LAMA1: variants seen among roughly 807,000 people sequenced by gnomAD.
LAMA1 encodes the protein laminin subunit alpha 1, also known as laminin subunit alpha-1.
A neutral mutation model predicts 348.7 loss-of-function variants in LAMA1; 219 were observed. That is an observed-to-expected ratio of 0.63 (90% CI 0.56 to 0.70). The LOEUF (loss-of-function observed/expected upper bound fraction) is 0.70, where lower values mean the gene tolerates loss of function less well. LAMA1 is among the 30% of genes least tolerant of loss of function. The pLI, the probability that LAMA1 is intolerant of heterozygous loss-of-function variation, is 0.00. For missense variants in LAMA1, 3,744 were observed against 3,888.0 expected (o/e 0.96, Z 0.99); for synonymous variants, 1,487 against 1,491.0 (o/e 1.00, Z 0.06).
intron 16 of LAMA1, among the ~76,000 whole-genome samples, 192 bp from the exon 17 acceptor site, chr18:7,026,298 A>G (rs2057942898): frequency 6.6e-6 from 1 of 152,234 alleles, no homozygotes; most frequent in African/African-American, 2.4e-5. Flanking sequence ...ATAAATGAGA[A>G]ATCTGAGAGC....
intron 9 of LAMA1, among the ~76,000 whole-genome samples, chr18:7,041,221 G>A (rs1326837826): frequency 6.6e-6 from 1 of 151,922 alleles, no homozygotes; most frequent in Non-Finnish European, 1.5e-5. Flanking sequence ...TTTAATGTCA[G>A]TTTTGAAACC....
chr18:6,986,184 T>A lies in LAMA1; in HGVS notation c.5332A>T (p.Ser1778Cys), dbSNP rs755902599. The A allele has an allele frequency of 6.2e-7, 1 of 1,614,220 alleles. No homozygotes were observed. Among genetic ancestry groups the A allele is most frequent in the South Asian group, 1.1e-5 (1 of 91,074 alleles). ...TTGACCATGAGCAGCAGGTGGTTGC[T>A]TTCCTGCATCTTTGCCTCAGCTTCC... ...VREAEAKMQESNHLLLMVNAN... is the reference protein window; with the variant it reads ...VREAEAKMQECNHLLLMVNAN... Residue 1778 changes from serine to cysteine, a missense_variant, in exon 37 of 63, where the codon AGC (serine) becomes TGC (cysteine). By Grantham distance (112) the Ser-to-Cys change is moderately radical. Around this residue, in one of 3 missense-constraint regions of LAMA1, gnomAD observed 1,983 missense variants for 1,934.3 expected, o/e 1.03. Coordinates refer to ENST00000389658, the MANE Select transcript of LAMA1 (RefSeq NM_005559.4).
rs771064205 is a variant in LAMA1, at chr18:7,080,081, T to A, written c.239A>T (p.His80Leu). 1.9e-6 allele frequency: 3 copies of A among 1,612,500 alleles called. No homozygotes were observed. Among genetic ancestry groups the A allele is most frequent in the Non-Finnish European group, 1.7e-6 (2 of 1,178,500 alleles). The change falls in exon 3 of 63, where the codon CAT (histidine) becomes CTT (leucine). Residue 80 changes from histidine (H) to leucine (L), a missense_variant. By Grantham distance (99) the His-to-Leu change is moderately conservative. Transcript: ENST00000389658. ...DGNSANPRERHPISHAIDGTN... is the reference protein window; with the variant it reads ...DGNSANPRERLPISHAIDGTN... ...GCCATCTATGGCATGTGATATTGGA[T>A]GGCGTTCTGTTGAAAGAAAATAAAA...
At chr18:6,972,295 C>T in intron 47 of LAMA1, 1 of 372,862 alleles carries the variant, frequency 2.7e-6, no homozygotes, top group South Asian at 2.2e-5. Flanking sequence ...CCCAGCTGGA[C>T]CTGAGACCTA....
intron 16 of LAMA1, among the ~76,000 whole-genome samples, chr18:7,030,674 T>C (rs2057964739): frequency 6.6e-6 from 1 of 152,314 alleles, no homozygotes; most frequent in Admixed American, 6.5e-5. Flanking sequence ...AAAATTATTA[T>C]TTATTAAAAT....
intron 1 of LAMA1, among the ~76,000 whole-genome samples, chr18:7,106,548 C>T (rs564884639): frequency 4.6e-5 from 7 of 151,930 alleles, no homozygotes; most frequent in Middle Eastern, 3.2e-3. Flanking sequence ...TTAGTAGATT[C>T]GGGGTTTCAC....
intron 3 of LAMA1, among the ~76,000 whole-genome samples, chr18:7,068,236 G>A (rs2058131250): frequency 6.6e-6 from 1 of 152,218 alleles, no homozygotes; most frequent in African/African-American, 2.4e-5. Context: ...ACACCACTCA[G>A]CAGAAGCCTA....
At position 6,997,813 on chromosome 18, in the gene LAMA1, T is replaced by C. The variant is rs542801679; in HGVS notation, c.4735A>G (p.Asn1579Asp). The change falls in exon 33 of 63, where the codon AAC becomes GAC. Residue 1579 changes from asparagine to aspartate, a missense_variant. Transcript: ENST00000389658. Reference protein sequence around the residue: ...DEIGDAVLSLNLTGIIPVPYG... With the variant: ...DEIGDAVLSLDLTGIIPVPYG... ...GGGACAGGGATAATGCCAGTGAGGT[T>C]CAGAGAAAGAACGGCATCACCAATC... 654 of 1,614,092 alleles carry C rather than the reference T, an allele frequency of 4.1e-4. 12 individuals carry two copies. The South Asian group carries it at 6.9e-3, about 17-fold the overall frequency.
intron 23 of LAMA1, among the ~76,000 whole-genome samples, chr18:7,012,757 A>G (rs548747808): frequency 8.0e-5 from 12 of 149,932 alleles, no homozygotes; most frequent in African/African-American, 2.9e-4. Context: ...CACCCACCTC[A>G]GCCTTCCAAA....
chr18:7,116,092 G>C (rs1312821685), intron 1 of LAMA1, among the ~76,000 whole-genome samples: 3 of 152,200 alleles, frequency 2.0e-5, no homozygotes, highest in African/African-American at 7.2e-5. Context: ...CCTGCCCTGG[G>C]AGGTTTTCCG....
At chr18:7,117,115 G>A (rs1040182506) in intron 1 of LAMA1, among the ~76,000 whole-genome samples, 1 of 152,170 alleles carries the variant, frequency 6.6e-6, no homozygotes, top group Non-Finnish European at 1.5e-5. Context: ...TTCTCGCCGC[G>A]TCTCTCCCCA....
At position 6,976,515 on chromosome 18, in the gene LAMA1, G is replaced by A. The variant is rs776014674; in HGVS notation, c.6346-435C>T. ...TACATATTTCTTTGACTAGTAATTC[G>A]TTGCATATGTATCTTACATTAAAGA... On this transcript the variant is annotated intron_variant, in intron 44 of 62. Transcript: ENST00000389658. 1.2e-3 allele frequency among the ~76,000 whole-genome samples: 182 copies of A among 152,150 alleles called. 2 individuals carry two copies. Among genetic ancestry groups the A allele is most frequent in the Non-Finnish European group, 2.0e-3 (133 of 67,992 alleles).
intron 57 of LAMA1, among the ~76,000 whole-genome samples, chr18:6,951,925 G>C (rs1480980458): frequency 3.3e-5 from 5 of 152,192 alleles, no homozygotes; most frequent in Admixed American, 2.0e-4. Context: ...GCAGGACTGA[G>C]GGAAGCCTGC....
intron 62 of LAMA1, 84 bp from the exon 63 acceptor site, chr18:6,942,323 A>C: frequency 7.5e-4 from 1,064 of 1,420,022 alleles, no homozygotes; most frequent in Non-Finnish European, 9.4e-4. Context: ...AAATAATCTC[A>C]AGCGGGTTTT....
rs1263297034 is a variant in LAMA1 at position 7,010,399 on chromosome 18, A to C, written c.3688-14T>G. 3 of 1,612,416 alleles carry C rather than the reference A, an allele frequency of 1.9e-6. No homozygotes were observed. The highest frequency in any genetic ancestry group is 2.5e-6 in the Non-Finnish European group (3 of 1,179,170). ...ATAGGCCATGAGCTATCAAATAATA[A>C]AGTGTTGTTTACTTCTCTGACAAAG... On this transcript the variant is annotated splice_polypyrimidine_tract_variant and intron_variant, in intron 25 of 62. Coordinates refer to ENST00000389658, the MANE Select transcript of LAMA1 (RefSeq NM_005559.4).
At chr18:6,968,987 A>G (rs2057646288) in intron 48 of LAMA1, among the ~76,000 whole-genome samples, 1 of 152,228 alleles carries the variant, frequency 6.6e-6, no homozygotes. Flanking sequence ...TCTTTGAACT[A>G]AAGTTCTTGT....
intron 36 of LAMA1, among the ~76,000 whole-genome samples, chr18:6,987,040 T>C (rs2057738543): frequency 1.3e-5 from 2 of 152,182 alleles, no homozygotes; most frequent in Admixed American, 1.3e-4. Flanking sequence ...ATTACAGGCG[T>C]AAGCCACTGC....
chr18:7,073,266 G>C (rs60571401), intron 3 of LAMA1, among the ~76,000 whole-genome samples: 2 of 151,982 alleles, frequency 1.3e-5, no homozygotes, highest in African/African-American at 4.8e-5. Flanking sequence ...AAAAATATAC[G>C]TAACATAAAA....
Position 6,950,940 on chromosome 18 carries a change from C to A in LAMA1, c.8239G>T (p.Ala2747Ser), listed in dbSNP as rs769646665. ...ATGTAGTAAATCAGGCCGCTGGAGG[C>A]GAACGTGCGGATGCTTAGCTCAACC... ...LSVELSIRTF[A>S]SSGLIYYMAH... is the part of the protein sequence containing the mutation. The change falls in exon 58 of 63, where the codon GCC becomes TCC. Residue 2747 changes from alanine to serine, a missense_variant. Physicochemically the swap from Ala to Ser is moderately conservative, Grantham distance 99. Transcript: ENST00000389658. The A allele has an allele frequency of 5.0e-6, 8 of 1,613,926 alleles. No homozygotes were observed. The highest frequency in any genetic ancestry group is 5.9e-6 in the Non-Finnish European group (7 of 1,180,014).
Sources: allele counts gnomAD v4.1 joint callset (sites outside exome capture counted in the v4.1 genomes callset), GRCh38; gene constraint gnomAD v4.1.1; regional missense constraint gnomAD v4.1.1; transcripts MANE v1.5; gene names NCBI Gene and HGNC (gene_info 2026-07-23, HGNC 2026-07-21).